Variants in KIF13B observed in about 807,000 individuals in gnomAD.
KIF13B encodes the protein kinesin family member 13B.
A neutral mutation model predicts 222.0 loss-of-function variants in KIF13B; 127 were observed. The ratio of observed to expected loss-of-function variants is 0.57; its 90% CI spans 0.50 to 0.66. KIF13B has a LOEUF of 0.66. Among genes scored for constraint, KIF13B ranks in the 30% least tolerant of loss-of-function variants. The pLI, the probability that KIF13B is intolerant of heterozygous loss-of-function variation, is 0.00. For synonymous variants in KIF13B, 976 were observed against 919.0 expected, an observed-to-expected ratio of 1.06 and a Z score of -1.12; for missense variants, 2,173 against 2,379.0, an observed-to-expected ratio of 0.91 and a Z score of 1.80.
intron 2 of KIF13B, among the ~76,000 whole-genome samples, chr8:29,207,455 C>A (rs539490816): frequency 6.6e-6 from 1 of 152,274 alleles, no homozygotes; most frequent in African/African-American, 2.4e-5. Context: ...GCGTTTCTTT[C>A]CGGGTGCCTG....
chr8:29,260,813 T>C (rs1173060184), intron 1 of KIF13B, among the ~76,000 whole-genome samples: 1 of 152,144 alleles, frequency 6.6e-6, no homozygotes, highest in African/African-American at 2.4e-5. Flanking sequence ...AGACAGGGTT[T>C]TGCCATGTTA....
chr8:29,103,195 T>C (rs1384868980), intron 35 of KIF13B, among the ~76,000 whole-genome samples: 4 of 141,028 alleles, frequency 2.8e-5, no homozygotes, highest in South Asian at 2.2e-4. Context: ...TGAGCCGAGA[T>C]AGCGCCACTG....
At chr8:29,082,899 A>G (rs1297869065) in intron 37 of KIF13B, among the ~76,000 whole-genome samples, 2 of 152,196 alleles carry the variant, frequency 1.3e-5, no homozygotes, top group Admixed American at 1.3e-4. Context: ...CTGAGGCAGG[A>G]GGATTGCTTG....
chr8:29,070,395 C>G lies in KIF13B; in HGVS notation c.*109G>C. On this transcript the variant is annotated 3_prime_UTR_variant, in exon 40 of 40. Transcript: ENST00000524189. This position sits in a 1 kb window ranked among gnomAD's most constrained non-coding sequence, Gnocchi z 4.1. ...TGTGTCGTGCAAAAAGCATTCATCG[C>G]CCTGCCCCTGGGGAAGGGGCCACCG... 8.0e-7 allele frequency: 1 copy of G among 1,249,698 alleles called. No homozygotes were observed. The highest frequency in any genetic ancestry group is 1.1e-6 in the Non-Finnish European group (1 of 892,214). The allele number at this position is 1,249,698 out of a possible 1,614,324, so 77.4% of individuals were successfully genotyped here. A position where few individuals can be genotyped will look rare whatever the true frequency, so the allele number is the denominator to read the frequency against.
At chr8:29,138,469 G>C (rs1248602011) in intron 21 of KIF13B, 1 of 152,150 alleles carries the variant, frequency 6.6e-6, no homozygotes, top group African/African-American at 2.4e-5. Flanking sequence ...AAAATGAAAT[G>C]ACAATAGAAT....
chr8:29,177,393 T>G (rs938675284), intron 9 of KIF13B, 73 bp downstream of exon 9: 2 of 1,074,288 alleles, frequency 1.9e-6, no homozygotes, highest in African/African-American at 3.1e-5. Flanking sequence ...CTTAATATTT[T>G]AATAACCACA....
rs550361288 is a variant in KIF13B, at chr8:29,069,880, G to A, written c.*624C>T. On this transcript the variant is annotated 3_prime_UTR_variant, in exon 40 of 40. Transcript: ENST00000524189. ...AGAAACCCTGGCAGAGGAGGGATGG[G>A]GGGGCTCAGGCCCTCGGCCCCCGTC... 1 of 152,312 alleles carries A rather than the reference G, an allele frequency of 6.6e-6. No individual in the cohort carries two copies. The highest frequency in any genetic ancestry group is 6.5e-5 in the Admixed American group (1 of 15,294). 9.4% of individuals were successfully genotyped at this position (152,312 alleles called of 1,614,324 possible).
chr8:29,181,830 T>G, intron 7 of KIF13B, 89 bp downstream of exon 7: 1 of 843,874 alleles, frequency 1.2e-6, no homozygotes. Flanking sequence ...ATATATGCAA[T>G]TTTTAAAAAT....
chr8:29,262,692 A>G (rs1334134405), intron 1 of KIF13B, among the ~76,000 whole-genome samples: 2 of 142,102 alleles, frequency 1.4e-5, no homozygotes, highest in Non-Finnish European at 3.1e-5. Context: ...GGGAGACGAG[A>G]GGGCAAAAGG....
At chr8:29,169,303 T>G (rs527939138) in intron 10 of KIF13B, among the ~76,000 whole-genome samples, 2 of 152,298 alleles carry the variant, frequency 1.3e-5, no homozygotes, top group East Asian at 3.9e-4. Flanking sequence ...GCACTCTGCC[T>G]AAAAATCTAG....
chr8:29,124,072 G>T lies in KIF13B; in HGVS notation c.3304C>A (p.Arg1102Ser). ...AATTGTTGATCCAAGTACTCCTGACGTTTTGTTAATGCATTTAGCCATTTT... is the reference window on the plus strand; with the variant it reads ...AATTGTTGATCCAAGTACTCCTGACTTTTTGTTAATGCATTTAGCCATTTT... The part of the protein sequence containing the change: ...RRKWLNALTK[R>S]QEYLDQQLQK... Residue 1102 changes from arginine to serine, a missense_variant, in exon 27 of 40, where the codon CGT (arginine) becomes AGT (serine). Arg to Ser is a moderately radical substitution (Grantham distance 110). Coordinates refer to ENST00000524189, the MANE Select transcript of KIF13B (RefSeq NM_015254.4). 1 of 1,613,240 alleles carries T rather than the reference G, an allele frequency of 6.2e-7. No individual in the cohort carries two copies. Among genetic ancestry groups the T allele is most frequent in the Non-Finnish European group, 8.5e-7 (1 of 1,179,410 alleles).
rs899159965 is a variant in KIF13B, at chr8:29,102,012, G to A, written c.4216-2771C>T. 2.6e-5 allele frequency among the ~76,000 whole-genome samples: 4 copies of A among 151,440 alleles called. No homozygotes were observed. The East Asian group carries it at 7.8e-4, about 29-fold the overall frequency. On this transcript the variant is annotated intron_variant, in intron 35 of 39. Transcript: ENST00000524189. The stretch of plus-strand genomic sequence containing the variant: ...CACTGTTCCCCAGGGACAACGCAAT[G>A]ACTATCTTCCCAATATGTTGTATAT...
At chr8:29,154,985 T>C (rs1204889568) in intron 14 of KIF13B, among the ~76,000 whole-genome samples, 1 of 152,188 alleles carries the variant, frequency 6.6e-6, no homozygotes, top group Admixed American at 6.5e-5. Context: ...CCACTGTCTC[T>C]AACAGTTACA....
intron 14 of KIF13B, among the ~76,000 whole-genome samples, chr8:29,153,553 C>G (rs937747094): frequency 6.6e-6 from 1 of 152,090 alleles, no homozygotes; most frequent in African/African-American, 2.4e-5. Context: ...ATTCCTGGGA[C>G]ACCAGTGTCA....
chr8:29,142,301 T>C lies in KIF13B; in HGVS notation c.2190A>G (p.Arg730=). The change falls in exon 19 of 40, where the codon CGA becomes CGG. Residue 730 remains arginine, a splice_region_variant and synonymous_variant. Transcript: ENST00000524189. ...PASSLDANRK[R]GSLLSEPAIQ... ...TTGCAGGCTCACTAAGAAGAGAGCCTCGCTGCAAAGAGAGTAAGAATGACC... is the reference window on the plus strand; with the variant it reads ...TTGCAGGCTCACTAAGAAGAGAGCCCCGCTGCAAAGAGAGTAAGAATGACC... 1 of 1,611,012 alleles carries C rather than the reference T, an allele frequency of 6.2e-7. No individual in the cohort carries two copies. Among genetic ancestry groups the C allele is most frequent in the Non-Finnish European group, 8.5e-7 (1 of 1,178,444 alleles).
In KIF13B at chr8:29,070,849, T is replaced by G; in HGVS notation, c.5219-83A>C. ...ACCTCCCTTACCTCTGCAGAGGCCA[T>G]GTGCCCACACTGCCACCCCCCCGCA... On this transcript the variant is annotated intron_variant, in intron 39 of 39. Coordinates refer to ENST00000524189, the MANE Select transcript of KIF13B (RefSeq NM_015254.4). The surrounding 1 kb of genome is among the most constrained non-coding windows in gnomAD (Gnocchi z 4.1). 6.9e-7 allele frequency: 1 copy of G among 1,453,424 alleles called. No homozygotes were observed. The highest frequency in any genetic ancestry group is 2.5e-5 in the East Asian group (1 of 40,292). The allele number at this position is 1,453,424 out of a possible 1,614,324, so 90.0% of individuals were successfully genotyped here. A position where few individuals can be genotyped will look rare whatever the true frequency, so the allele number is the denominator to read the frequency against.
intron 1 of KIF13B, among the ~76,000 whole-genome samples, chr8:29,254,736 A>T (rs1816410311): frequency 6.6e-6 from 1 of 152,252 alleles, no homozygotes; most frequent in South Asian, 2.1e-4. Flanking sequence ...TTTGGAAAAC[A>T]GTTCCTCAAA....
intron 37 of KIF13B, among the ~76,000 whole-genome samples, chr8:29,090,821 T>C (rs554034359): frequency 6.6e-6 from 1 of 152,344 alleles, no homozygotes; most frequent in East Asian, 1.9e-4. Flanking sequence ...GCGATTCTCA[T>C]GCCTCATAGC....
intron 37 of KIF13B, among the ~76,000 whole-genome samples, chr8:29,087,483 A>G (rs1243510333): frequency 1.3e-5 from 2 of 152,210 alleles, no homozygotes; most frequent in Admixed American, 1.3e-4. Flanking sequence ...GTTCCTCATT[A>G]TTTTCACACA....
Sources: gnomAD v4.1 joint callset for allele counts (sites outside exome capture counted in the v4.1 genomes callset) on GRCh38, gnomAD v4.1.1 for gene constraint, Gnocchi (gnomAD v3.1) non-coding constraint, MANE v1.5 for transcripts, NCBI Gene and HGNC (gene_info 2026-07-23, HGNC 2026-07-21) for gene names.